The following LOC400499 variants were observed in gnomAD, a reference collection of about 807,000 sequenced individuals.
the LOC400499 span, chr16:11,383,809 G>A: frequency 8.1e-7 from 1 of 1,232,304 alleles, no homozygotes; most frequent in Non-Finnish European, 1.0e-6. Context: ...CCGAGTCACT[G>A]TCCACACCCT....
chr16:11,462,106 T>G, the LOC400499 span: 1 of 1,481,176 alleles, frequency 6.8e-7, no homozygotes, highest in Non-Finnish European at 9.0e-7. Context: ...AGAAGGGGTC[T>G]CATCTCCTAC....
chr16:11,514,894 T>C, the LOC400499 span, among the ~76,000 whole-genome samples: 1 of 152,190 alleles, frequency 6.6e-6, no homozygotes, highest in South Asian at 2.1e-4. Context: ...GCTGAGACTT[T>C]TGATAGTAAG....
the LOC400499 span, among the ~76,000 whole-genome samples, chr16:11,403,145 G>A: frequency 6.6e-6 from 1 of 152,168 alleles, no homozygotes; most frequent in South Asian, 2.1e-4. Flanking sequence ...CCCCACAGCA[G>A]GAGGCTGCCC....
the LOC400499 span, among the ~76,000 whole-genome samples, chr16:11,437,359 A>G: frequency 6.6e-6 from 1 of 152,186 alleles, no homozygotes; most frequent in African/African-American, 2.4e-5. Context: ...AGGAGTTGAG[A>G]CCAGCCTGAA....
the LOC400499 span, among the ~76,000 whole-genome samples, chr16:11,467,571 C>A: frequency 1.3e-5 from 2 of 152,220 alleles, no homozygotes; most frequent in South Asian, 4.1e-4. Context: ...ATGTTTGCAC[C>A]TCTGCACTCC....
At chr16:11,433,656 T>C in the LOC400499 span, among the ~76,000 whole-genome samples, 11 of 152,116 alleles carry the variant, frequency 7.2e-5, no homozygotes, top group South Asian at 2.1e-4. Flanking sequence ...TGATTAGAGG[T>C]TGGAACTTTC....
At chr16:11,487,595 G>A in the LOC400499 span, among the ~76,000 whole-genome samples, 1 of 152,160 alleles carries the variant, frequency 6.6e-6, no homozygotes, top group African/African-American at 2.4e-5. Context: ...CTGCTGACAG[G>A]CAGAGAGGAG....
chr16:11,469,317 C>T, the LOC400499 span: 1 of 399,260 alleles, frequency 2.5e-6, no homozygotes, highest in Non-Finnish European at 4.4e-6. Context: ...CCCCTCCGTC[C>T]CCCTGGGAGG....
At chr16:11,396,588 C>A in the LOC400499 span, 2 of 1,232,194 alleles carry the variant, frequency 1.6e-6, no homozygotes, top group Non-Finnish European at 2.0e-6. Flanking sequence ...AGGCCGTGGT[C>A]TGGGTCTGGT....
the LOC400499 span, chr16:11,396,682 C>G: frequency 1.2e-5 from 15 of 1,231,958 alleles, no homozygotes; most frequent in Admixed American, 8.4e-5. Context: ...GGGCCTGGGA[C>G]GAGAGAGTCT....
chr16:11,504,750 T>C, the LOC400499 span, among the ~76,000 whole-genome samples: 1 of 152,006 alleles, frequency 6.6e-6, no homozygotes, highest in African/African-American at 2.4e-5. Flanking sequence ...TGGTGAAACC[T>C]CATCTCTGCC....
chr16:11,429,819 A>G, the LOC400499 span, among the ~76,000 whole-genome samples: 3 of 152,048 alleles, frequency 2.0e-5, no homozygotes, highest in South Asian at 6.2e-4. Context: ...AAAAATCCCC[A>G]TTTGGCAATC....
chr16:11,468,978 A>G, the LOC400499 span, among the ~76,000 whole-genome samples: 1 of 152,244 alleles, frequency 6.6e-6, no homozygotes, highest in Non-Finnish European at 1.5e-5. Context: ...TTTAACATCA[A>G]TGACGGTGGG....
the LOC400499 span, among the ~76,000 whole-genome samples, chr16:11,428,848 A>G: frequency 2.0e-5 from 3 of 152,072 alleles, no homozygotes; most frequent in Admixed American, 2.0e-4. Context: ...CAAAATGCGA[A>G]CAATTATAAC....
the LOC400499 span, among the ~76,000 whole-genome samples, chr16:11,413,932 G>A: frequency 1.3e-5 from 2 of 152,172 alleles, no homozygotes; most frequent in African/African-American, 2.4e-5. Context: ...TCTGAACATC[G>A]GAGAGGGCCT....
the LOC400499 span, among the ~76,000 whole-genome samples, chr16:11,440,337 T>C: frequency 1.2e-4 from 19 of 152,300 alleles, no homozygotes; most frequent in South Asian, 6.2e-4. Flanking sequence ...GATCATGTGA[T>C]GAGAACCCAG....
the LOC400499 span, among the ~76,000 whole-genome samples, chr16:11,397,503 G>A: frequency 6.6e-6 from 1 of 152,072 alleles, no homozygotes; most frequent in African/African-American, 2.4e-5. Flanking sequence ...TCGATCTCCT[G>A]ACCTCGTGAT....
the LOC400499 span, among the ~76,000 whole-genome samples, chr16:11,489,670 G>T: frequency 6.6e-6 from 1 of 152,278 alleles, no homozygotes; most frequent in African/African-American, 2.4e-5. Context: ...ATATCAGGTG[G>T]TACCCCAGGG....
At chr16:11,404,319 T>G in the LOC400499 span, among the ~76,000 whole-genome samples, 1 of 152,168 alleles carries the variant, frequency 6.6e-6, no homozygotes, top group African/African-American at 2.4e-5. Flanking sequence ...GGACCCCTGG[T>G]GCCTAGATTA....
Sources: allele counts gnomAD v4.1 joint callset (sites outside exome capture counted in the v4.1 genomes callset), GRCh38; gene constraint gnomAD v4.1.1; transcripts MANE v1.5.